Variants in MAD1L1 observed in about 807,000 individuals in gnomAD.
MAD1L1 encodes mitotic arrest deficient 1 like 1.
In MAD1L1, 95 loss-of-function variants were observed where a neutral mutation model predicts 96.9. That is an observed-to-expected ratio of 0.98 (90% CI 0.83 to 1.16). The LOEUF is 1.16. Among genes scored for constraint, MAD1L1 ranks in the 50% most tolerant of loss-of-function variants. The pLI is 0.00. For missense variants in MAD1L1, 1,007 were observed against 954.4 expected (o/e 1.06, Z -0.73); for synonymous variants, 473 against 396.6 (o/e 1.19, Z -2.29).
At chr7:2,135,100 AG>A (rs1411558816) in intron 11 of MAD1L1, among the ~76,000 whole-genome samples, 1 of 152,238 alleles carries the variant, frequency 6.6e-6, no homozygotes, top group African/African-American at 2.4e-5. Context: ...CTACCCAGAA[AG>A]GTAAGACTAG....
intron 12 of MAD1L1, among the ~76,000 whole-genome samples, chr7:2,063,059 C>T (rs928957702): frequency 6.6e-6 from 1 of 152,246 alleles, no homozygotes; most frequent in African/African-American, 2.4e-5. Context: ...GAAGGGACTG[C>T]TCTACGTTTA....
chr7:1,947,413 T>C (rs1183998733), intron 16 of MAD1L1, among the ~76,000 whole-genome samples: 6 of 152,254 alleles, frequency 3.9e-5, no homozygotes, highest in African/African-American at 7.2e-5. Flanking sequence ...TCCTTATGCA[T>C]ATTTATAGAT....
intron 18 of MAD1L1, among the ~76,000 whole-genome samples, chr7:1,888,164 G>A (rs1786260544): frequency 6.7e-6 from 1 of 148,450 alleles, no homozygotes; most frequent in South Asian, 2.1e-4. Context: ...GTGTGCATGT[G>A]TGCAGCTGCC....
intron 12 of MAD1L1, among the ~76,000 whole-genome samples, chr7:2,036,837 C>T (rs1783457449): frequency 1.3e-5 from 2 of 152,202 alleles, no homozygotes. Flanking sequence ...AAGAACTAAG[C>T]TGTCTACAGA....
At chr7:2,138,944 T>C (rs966850381) in intron 11 of MAD1L1, among the ~76,000 whole-genome samples, 8 of 152,096 alleles carry the variant, frequency 5.3e-5, no homozygotes, top group Admixed American at 3.3e-4. Flanking sequence ...CTGGACCTGA[T>C]TTTCCAGATG....
intron 10 of MAD1L1, among the ~76,000 whole-genome samples, chr7:2,151,012 A>C (rs148132615): frequency 6.6e-6 from 1 of 152,348 alleles, no homozygotes; most frequent in Non-Finnish European, 1.5e-5. Flanking sequence ...TGGAAGAGAA[A>C]CTGAACTCTA....
chr7:1,824,006 G>T (rs553559434), intron 18 of MAD1L1, among the ~76,000 whole-genome samples: 1 of 152,180 alleles, frequency 6.6e-6, no homozygotes, highest in Non-Finnish European at 1.5e-5. Flanking sequence ...TTTGTGGGGG[G>T]ACGGAGAGCG....
chr7:1,990,136 C>T (rs1461220478), intron 14 of MAD1L1, among the ~76,000 whole-genome samples: 7 of 152,242 alleles, frequency 4.6e-5, no homozygotes, highest in Non-Finnish European at 1.0e-4. Flanking sequence ...ATCGCCAACT[C>T]ACGTGGCATC....
At chr7:2,102,332 C>T (rs188741912) in intron 11 of MAD1L1, among the ~76,000 whole-genome samples, 2 of 151,420 alleles carry the variant, frequency 1.3e-5, no homozygotes, top group Non-Finnish European at 2.9e-5. Flanking sequence ...CCGTCACCAT[C>T]ACCATCACCA....
chr7:2,022,889 G>A (rs984559423), intron 12 of MAD1L1, among the ~76,000 whole-genome samples: 7 of 152,112 alleles, frequency 4.6e-5, no homozygotes, highest in Admixed American at 6.5e-5. Context: ...ATAAAAGAAC[G>A]GTGGAGCAGC....
chr7:1,887,357 A>G (rs1357853417), intron 18 of MAD1L1, among the ~76,000 whole-genome samples: 1 of 147,762 alleles, frequency 6.8e-6, no homozygotes, highest in Admixed American at 6.7e-5. Context: ...GTGAGCATGC[A>G]TGTGTGTGGG....
intron 12 of MAD1L1, among the ~76,000 whole-genome samples, chr7:2,030,478 G>A (rs1272612399): frequency 6.6e-6 from 1 of 152,192 alleles, no homozygotes; most frequent in Non-Finnish European, 1.5e-5. Flanking sequence ...AACAGATAAG[G>A]CTAATTCACT....
intron 17 of MAD1L1, among the ~76,000 whole-genome samples, chr7:1,900,915 G>A (rs1035826712): frequency 1.4e-4 from 22 of 152,158 alleles, no homozygotes; most frequent in Admixed American, 1.4e-3. Context: ...GGCGAGGAAG[G>A]CAGTGTGTGG....
chr7:2,232,784 C>G (rs1449396750), intron 1 of MAD1L1, 88 bp downstream of exon 1: 2 of 152,082 alleles, frequency 1.3e-5, no homozygotes. Flanking sequence ...GCGAGCACAC[C>G]CGGTCCGGGC....
In MAD1L1 at chr7:2,105,314, G is replaced by A. The variant is rs376547169; in HGVS notation, c.1074-35976C>T. Among the ~76,000 whole-genome samples, 577 of 152,292 alleles carry A rather than the reference G, an allele frequency of 3.8e-3. 4 individuals are homozygous for A. Among genetic ancestry groups the A allele is most frequent in the South Asian group, 0.032 (153 of 4,832 alleles). On this transcript the variant is annotated intron_variant, in intron 11 of 18. Transcript: ENST00000265854. ...AACAAAGCCAGCAGCGAGGTGGAGTGAGGGGGCCCAGCTAAGAGCAGGGGA... is the reference window on the plus strand; with the variant it reads ...AACAAAGCCAGCAGCGAGGTGGAGTAAGGGGGCCCAGCTAAGAGCAGGGGA...
At chr7:2,223,662 G>C (rs1406478792) in intron 4 of MAD1L1, 1 of 152,290 alleles carries the variant, frequency 6.6e-6, no homozygotes, top group East Asian at 1.9e-4. Context: ...CAGCCCTTGT[G>C]AGCTGCAAGG....
Position 2,099,729 on chromosome 7 carries a change from G to A in MAD1L1, c.1074-30391C>T, listed in dbSNP as rs139194417. Among the ~76,000 whole-genome samples, 379 of 152,318 alleles carry A rather than the reference G, an allele frequency of 2.5e-3. 1 individual carries two copies. Among genetic ancestry groups the A allele is most frequent in the Middle Eastern group, 6.8e-3 (2 of 294 alleles). On this transcript the variant is annotated intron_variant, in intron 11 of 18. Transcript: ENST00000265854. Reference sequence around the variant, plus strand: ...CCTACCCGAGACCCAGGAAGCACCCGGGCCGTGGCTTCCTGTGAACAGTCC... The same window carrying A: ...CCTACCCGAGACCCAGGAAGCACCCAGGCCGTGGCTTCCTGTGAACAGTCC...
intron 11 of MAD1L1, among the ~76,000 whole-genome samples, chr7:2,147,886 C>A (rs537050776): frequency 1.1e-4 from 16 of 152,366 alleles, no homozygotes; most frequent in African/African-American, 3.8e-4. Context: ...CTGGTCAAGG[C>A]AAATAATTTT....
At chr7:2,079,906 C>G in intron 11 of MAD1L1, 1 of 376,926 alleles carries the variant, frequency 2.7e-6, no homozygotes, top group South Asian at 2.1e-5. Context: ...AAAAGAGAAG[C>G]CACAGAAGAT....
Sources: allele counts gnomAD v4.1 joint callset (sites outside exome capture counted in the v4.1 genomes callset), GRCh38; gene constraint gnomAD v4.1.1; transcripts MANE v1.5; gene names NCBI Gene and HGNC (gene_info 2026-07-23, HGNC 2026-07-21).